The following SLC26A9 variants were observed in gnomAD, a reference collection of about 807,000 sequenced individuals.
SLC26A9 encodes the protein anion transporter/exchanger protein 9.
SLC26A9 carries 46 observed loss-of-function variants against 87.1 expected under a neutral mutation model. The observed-to-expected ratio is 0.53, with a 90% CI of 0.42 to 0.67. The LOEUF is 0.67. SLC26A9 is among the 30% of genes least tolerant of loss of function. The pLI, the probability that SLC26A9 is intolerant of heterozygous loss-of-function variation, is 0.00. For missense variants in SLC26A9, 927 were observed against 1,018.3 expected (o/e 0.91, Z 1.22); for synonymous variants, 437 against 409.1 (o/e 1.07, Z -0.82).
chr1:205,936,497 C>T (rs564833972), intron 1 of SLC26A9, among the ~76,000 whole-genome samples: 1 of 152,288 alleles, frequency 6.6e-6, no homozygotes, highest in Non-Finnish European at 1.5e-5. Context: ...ACTGCCGCTC[C>T]TCTCCTCCTC....
At chr1:205,936,642 C>T (rs1265909226) in intron 1 of SLC26A9, among the ~76,000 whole-genome samples, 2 of 152,132 alleles carry the variant, frequency 1.3e-5, no homozygotes, top group Non-Finnish European at 2.9e-5. Context: ...CTCCCACCAC[C>T]CCTCTACCTC....
intron 1 of SLC26A9, among the ~76,000 whole-genome samples, chr1:205,941,145 G>C (rs1659726919): frequency 3.9e-5 from 6 of 152,164 alleles, no homozygotes; most frequent in South Asian, 2.1e-4. Flanking sequence ...CACCCCTAAG[G>C]CTTTTTTGTT....
intron 11 of SLC26A9, 96 bp from the exon 12 acceptor site, chr1:205,926,726 G>A (rs1192905322): frequency 1.7e-5 from 17 of 979,492 alleles, no homozygotes; most frequent in African/African-American, 1.1e-4. Context: ...GGACAGAGAC[G>A]GAGTTCTGGA....
At chr1:205,926,130 C>T (rs1003933897) in intron 12 of SLC26A9, among the ~76,000 whole-genome samples, 14 of 152,152 alleles carry the variant, frequency 9.2e-5, no homozygotes, top group African/African-American at 3.1e-4. Context: ...AAAATACAAA[C>T]TATTTCCTTT....
chr1:205,922,720 T>G (rs35648260), intron 16 of SLC26A9, among the ~76,000 whole-genome samples: 15,052 of 152,198 alleles, frequency 0.099, 934 homozygotes, highest in African/African-American at 0.17. Flanking sequence ...CTGGCCAACA[T>G]GGTGAAACCC....
chr1:205,915,425 A>C, intron 20 of SLC26A9, 21 bp from the exon 21 acceptor site: 1 of 1,613,648 alleles, frequency 6.2e-7, no homozygotes, highest in East Asian at 2.2e-5. Flanking sequence ...CACAGGAAGG[A>C]AGTGGGAGGG....
rs146024603 is a variant in SLC26A9 at position 205,933,019 on chromosome 1, T to G, written c.191A>C (p.Lys64Thr). ...AATGATGTAGTCTTTAATCTTGTAC[T>G]TGGGGAGCCAGGAGAGCACAGGCAG... ...GLLPVLSWLP[K>T]YKIKDYIIPD... Residue 64 changes from lysine to threonine, a missense_variant, in exon 3 of 21, where the codon AAG (lysine) becomes ACG (threonine). Physicochemically the swap from Lys to Thr is moderately conservative, Grantham distance 78. Transcript: ENST00000367135. 10 of 1,614,142 alleles carry G rather than the reference T, an allele frequency of 6.2e-6. No individual in the cohort carries two copies. The East Asian group carries it at 2.2e-4, about 36-fold the overall frequency.
intron 5 of SLC26A9, among the ~76,000 whole-genome samples, chr1:205,930,881 C>T (rs1323662664): frequency 6.6e-6 from 1 of 152,110 alleles, no homozygotes; most frequent in African/African-American, 2.4e-5. Flanking sequence ...GCTCTGTGTC[C>T]CTACAGTCTT....
chr1:205,915,264 T>C lies in SLC26A9; in HGVS notation c.*93A>G. ...CCAAGCTCTGGGGGATGCACTTTCC[T>C]CCGCCCGACACCCCCTGTGACCCCA... is the stretch of plus-strand genomic sequence containing the variant. On this transcript the variant is annotated 3_prime_UTR_variant, in exon 21 of 21. Transcript: ENST00000367135. The C allele has an allele frequency of 6.2e-7, 1 of 1,600,406 alleles. No individual in the cohort carries two copies.
At chr1:205,925,827 T>C (rs1659040280) in intron 12 of SLC26A9, among the ~76,000 whole-genome samples, 1 of 152,226 alleles carries the variant, frequency 6.6e-6, no homozygotes, top group Admixed American at 6.5e-5. Context: ...TGGTGGGGCT[T>C]AAATGGAGAG....
Position 205,929,243 on chromosome 1 carries a change from C to G in SLC26A9, c.831G>C (p.Met277Ile), listed in dbSNP as rs1275132525. 1 of 1,614,170 alleles carries G rather than the reference C, an allele frequency of 6.2e-7. No homozygotes were observed. Among genetic ancestry groups the G allele is most frequent in the African/African-American group, 1.3e-5 (1 of 75,024 alleles). Reference sequence around the variant, plus strand: ...TAGGGATGGGGAAGCGAATCTTGTGCATGTAGCGAGCATTGAGCTCCTTCA... The same window carrying G: ...TAGGGATGGGGAAGCGAATCTTGTGGATGTAGCGAGCATTGAGCTCCTTCA... ...VLVKELNARY[M>I]HKIRFPIPTE... Residue 277 changes from methionine to isoleucine, a missense_variant, in exon 7 of 21, where the codon ATG (methionine) becomes ATC (isoleucine). Transcript: ENST00000367135.
intron 8 of SLC26A9, among the ~76,000 whole-genome samples, chr1:205,928,616 G>A (rs986880144): frequency 2.6e-5 from 4 of 152,192 alleles, no homozygotes; most frequent in African/African-American, 4.8e-5. Context: ...GGGGAGTGTG[G>A]CAGTTAAGAC....
intron 18 of SLC26A9, among the ~76,000 whole-genome samples, 160 bp from the exon 19 acceptor site, chr1:205,919,145 TG>T (rs1054448235): frequency 6.6e-6 from 1 of 152,238 alleles, no homozygotes; most frequent in Non-Finnish European, 1.5e-5. Flanking sequence ...ATATCAGTTT[TG>T]GACGGCAGAG....
intron 20 of SLC26A9, 149 bp downstream of exon 20, chr1:205,917,134 C>G: frequency 1.9e-6 from 1 of 524,104 alleles, no homozygotes; most frequent in Non-Finnish European, 3.3e-6. Context: ...AGAAAAAAAA[C>G]AAAGATGACC....
At chr1:205,921,110 T>C (rs1028489253) in intron 17 of SLC26A9, among the ~76,000 whole-genome samples, 1 of 152,240 alleles carries the variant, frequency 6.6e-6, no homozygotes, top group Admixed American at 6.5e-5. Flanking sequence ...ATGGATACAT[T>C]CATTCAAGGT....
At position 205,915,360 on chromosome 1, in the gene SLC26A9, C is replaced by T; in HGVS notation, c.2373G>A (p.Leu791=). 6.2e-7 allele frequency: 1 copy of T among 1,614,162 alleles called. No homozygotes were observed. The highest frequency in any genetic ancestry group is 8.5e-7 in the Non-Finnish European group (1 of 1,180,030). Residue 791 remains leucine, a synonymous_variant, in exon 21 of 21, where the codon CTG becomes CTA. Transcript: ENST00000367135. ...SMFHAETLTA[L] is the part of the protein sequence containing the mutation. ...AGCATGAGGACTGGCTGAGCCCTCA[C>T]AGGGCGGTCAGGGTCTCTGCGTGAA...
chr1:205,915,443 G>A (rs553991395), intron 20 of SLC26A9, 39 bp from the exon 21 acceptor site: 5 of 1,613,570 alleles, frequency 3.1e-6, no homozygotes, highest in Middle Eastern at 3.3e-4. Context: ...GGGGAAGAGA[G>A]AGGTTAGACC....
At position 205,914,761 on chromosome 1, in the gene SLC26A9, A is replaced by AG. The variant is rs113120833; in HGVS notation, c.*595dup. The AG allele has an allele frequency of 0.012, 13,350 of 1,139,024 alleles. 99 individuals carry two copies. Among genetic ancestry groups the AG allele is most frequent in the South Asian group, 0.02 (1,316 of 65,126 alleles). The allele number at this position is 1,139,024 out of a possible 1,614,324, so 70.6% of individuals were successfully genotyped here. A position where few individuals can be genotyped will look rare whatever the true frequency, so the allele number is the denominator to read the frequency against. On this transcript the variant is annotated 3_prime_UTR_variant, in exon 21 of 21. Coordinates refer to ENST00000367135, the MANE Select transcript of SLC26A9 (RefSeq NM_052934.4). The stretch of plus-strand genomic sequence containing the variant: ...GTTTGGGCAGCCTTGGGGATGATGG[A>AG]GGGGGGGCGCATAGTTACCAAGGCC...
At chr1:205,928,336 T>C (rs942549927) in intron 8 of SLC26A9, 1 of 468,506 alleles carries the variant, frequency 2.1e-6, no homozygotes, top group Non-Finnish European at 3.9e-6. Flanking sequence ...GAACCCTGTA[T>C]GCTCACGAGT....
Sources: allele counts gnomAD v4.1 joint callset (sites outside exome capture counted in the v4.1 genomes callset), GRCh38; gene constraint gnomAD v4.1.1; transcripts MANE v1.5; gene names NCBI Gene and HGNC (gene_info 2026-07-23, HGNC 2026-07-21).